Variants in EPHA5 observed in about 807,000 individuals in gnomAD.
The protein encoded by EPHA5 is EPH receptor A5.
EPHA5 carries 60 observed loss-of-function variants against 105.0 expected under a neutral mutation model. The ratio of observed to expected loss-of-function variants is 0.57; its 90% confidence interval spans 0.46 to 0.71. The LOEUF is 0.71. Among genes scored for constraint, EPHA5 ranks in the 30% least tolerant of loss-of-function variants. The pLI is 0.00. For synonymous variants in EPHA5, 513 were observed against 449.1 expected, an observed-to-expected ratio of 1.14 and a Z score of -1.80; for missense variants, 1,218 against 1,274.7, an observed-to-expected ratio of 0.96 and a Z score of 0.68.
intron 5 of EPHA5, among the ~76,000 whole-genome samples, chr4:65,439,455 C>A (rs1421703418): frequency 6.7e-6 from 1 of 148,732 alleles, no homozygotes; most frequent in African/African-American, 2.5e-5. Context: ...CTGCCCCATA[C>A]CCTGCTTTGG....
chr4:65,422,667 T>C (rs1410256768), intron 5 of EPHA5, among the ~76,000 whole-genome samples: 3 of 152,068 alleles, frequency 2.0e-5, no homozygotes, highest in Non-Finnish European at 2.9e-5. Context: ...CCAAACTCTT[T>C]CCATATTGTA....
At chr4:65,565,649 A>G (rs931591456) in intron 3 of EPHA5, among the ~76,000 whole-genome samples, 2 of 151,628 alleles carry the variant, frequency 1.3e-5, no homozygotes, top group Non-Finnish European at 3.0e-5. Flanking sequence ...AAATTTGAAT[A>G]TGTGCAAGGC....
Position 65,348,061 on chromosome 4 carries a change from T to C in EPHA5, c.2588A>G (p.Asn863Ser), listed in dbSNP as rs980546664. 6.2e-7 allele frequency: 1 copy of C among 1,605,352 alleles called. No individual in the cohort carries two copies. The highest frequency in any genetic ancestry group is 8.5e-7 in the Non-Finnish European group (1 of 1,176,352). ...YGERPYWEMT[N>S]QDVIKAVEEG... ...GAGTAGTTCCATACTCACATCTTGA[T>C]TGGTCATCTCCCAGTAGGGTCTCTC... is the stretch of plus-strand genomic sequence containing the variant. Residue 863 changes from asparagine to serine, a missense_variant, in exon 14 of 17, where the codon AAT becomes AGT. Coordinates refer to ENST00000613740, the MANE Select transcript of EPHA5 (RefSeq NM_001281766.3).
intron 1 of EPHA5, among the ~76,000 whole-genome samples, chr4:65,658,579 T>G (rs1376360118): frequency 6.6e-6 from 1 of 152,116 alleles, no homozygotes; most frequent in South Asian, 2.1e-4. Context: ...ATATATATTA[T>G]TTACTATATG....
At chr4:65,548,971 C>T (rs1211867252) in intron 3 of EPHA5, among the ~76,000 whole-genome samples, 2 of 152,122 alleles carry the variant, frequency 1.3e-5, no homozygotes, top group African/African-American at 4.8e-5. Context: ...TGCCTCTAAC[C>T]TAGCAGTGTC....
At chr4:65,654,765 T>C (rs1031237854) in intron 1 of EPHA5, among the ~76,000 whole-genome samples, 2 of 147,300 alleles carry the variant, frequency 1.4e-5, no homozygotes, top group African/African-American at 2.5e-5. Context: ...TAAATTATAA[T>C]GTCTAATTTA....
At chr4:65,526,979 G>A (rs938859613) in intron 3 of EPHA5, among the ~76,000 whole-genome samples, 1 of 151,844 alleles carries the variant, frequency 6.6e-6, no homozygotes, top group Admixed American at 6.6e-5. Flanking sequence ...TCCTCTAAAT[G>A]GGTAAGTGTA....
At chr4:65,481,729 G>A (rs1410577489) in intron 5 of EPHA5, among the ~76,000 whole-genome samples, 1 of 152,158 alleles carries the variant, frequency 6.6e-6, no homozygotes, top group Non-Finnish European at 1.5e-5. Flanking sequence ...GGGGGAATAT[G>A]TGTGAAAATG....
chr4:65,476,497 C>T (rs893287772), intron 5 of EPHA5, among the ~76,000 whole-genome samples: 2 of 152,008 alleles, frequency 1.3e-5, no homozygotes, highest in African/African-American at 4.8e-5. Context: ...AACCTAATAC[C>T]CATGTTCTCA....
intron 3 of EPHA5, among the ~76,000 whole-genome samples, chr4:65,582,571 T>C (rs1445906578): frequency 6.6e-6 from 1 of 151,624 alleles, no homozygotes; most frequent in East Asian, 1.9e-4. Context: ...AAGTGCTTTC[T>C]TGAAGTTGAA....
At chr4:65,485,189 C>T (rs1033017613) in intron 5 of EPHA5, among the ~76,000 whole-genome samples, 2 of 151,700 alleles carry the variant, frequency 1.3e-5, no homozygotes, top group African/African-American at 4.8e-5. Flanking sequence ...AATTTTTATC[C>T]ACTATTTATA....
intron 6 of EPHA5, among the ~76,000 whole-genome samples, chr4:65,417,081 G>A (rs1306329618): frequency 1.3e-5 from 2 of 152,208 alleles, no homozygotes; most frequent in Non-Finnish European, 2.9e-5. Flanking sequence ...CTCAGCAGAA[G>A]GAGCCAGCTG....
Position 65,490,612 on chromosome 4 carries a change from C to T in EPHA5, c.1167G>A (p.Val389=), listed in dbSNP as rs1370099230. ...ACTTCTTGCATGCAATATAATATGA[C>T]ACGTCTTTCCTTCCACCAGTGTCAG... The part of the protein sequence containing the change: ...PPADTGGRKD[V]SYYIACKKCN... Residue 389 remains valine (V), a synonymous_variant, in exon 5 of 17, where the codon GTG becomes GTA. Coordinates refer to ENST00000613740, the MANE Select transcript of EPHA5 (RefSeq NM_001281766.3). 1.2e-6 allele frequency: 2 copies of T among 1,614,028 alleles called. No homozygotes were observed. Among genetic ancestry groups the T allele is most frequent in the Non-Finnish European group, 1.7e-6 (2 of 1,180,020 alleles).
chr4:65,360,736 T>C lies in EPHA5; in HGVS notation c.2173+4281A>G, dbSNP rs185461220. ...AAGCCCATGGTTTTATATAATTAAG[T>C]TTTTAAATTTAAAACATAAACTATA... On this transcript the variant is annotated intron_variant, in intron 11 of 16. Transcript: ENST00000613740. 1.4e-3 allele frequency among the ~76,000 whole-genome samples: 216 copies of C among 151,754 alleles called. 1 individual carries two copies. Among genetic ancestry groups the C allele is most frequent in the African/African-American group, 5.1e-3 (213 of 41,500 alleles).
At chr4:65,525,968 C>T (rs1055737929) in intron 3 of EPHA5, among the ~76,000 whole-genome samples, 8 of 151,390 alleles carry the variant, frequency 5.3e-5, no homozygotes, top group African/African-American at 1.9e-4. Flanking sequence ...GTTACTTAGC[C>T]CAAATTACAC....
chr4:65,360,885 C>G (rs956923539), intron 11 of EPHA5, among the ~76,000 whole-genome samples: 1 of 151,298 alleles, frequency 6.6e-6, no homozygotes, highest in Non-Finnish European at 1.5e-5. Context: ...GGGTGACAAA[C>G]CTATGCTAGT....
chr4:65,375,363 T>A (rs933420071), intron 8 of EPHA5, among the ~76,000 whole-genome samples: 1 of 151,864 alleles, frequency 6.6e-6, no homozygotes, highest in Non-Finnish European at 1.5e-5. Context: ...CTTCACAATT[T>A]CTAACATTAT....
At chr4:65,656,739 T>C (rs1012861975) in intron 1 of EPHA5, among the ~76,000 whole-genome samples, 1 of 151,048 alleles carries the variant, frequency 6.6e-6, no homozygotes, top group African/African-American at 2.4e-5. Context: ...CTCAGTCACC[T>C]AGGTAGCTGG....
At chr4:65,403,590 G>A (rs113351565) in intron 8 of EPHA5, among the ~76,000 whole-genome samples, 111 of 134,102 alleles carry the variant, frequency 8.3e-4, no homozygotes, top group African/African-American at 2.7e-3. Flanking sequence ...GTTTTATATA[G>A]TTTATTTTGT....
Sources: gnomAD v4.1 joint callset for allele counts (sites outside exome capture counted in the v4.1 genomes callset) on GRCh38, gnomAD v4.1.1 for gene constraint, MANE v1.5 for transcripts, NCBI Gene and HGNC (gene_info 2026-07-23, HGNC 2026-07-21) for gene names.